Variants in MYH7 observed in about 807,000 individuals in gnomAD.
MYH7 encodes the protein myosin-7.
A neutral mutation model predicts 225.4 loss-of-function variants in MYH7; 129 were observed. The observed-to-expected ratio is 0.57, with a 90% CI of 0.50 to 0.66. The LOEUF is 0.66. Among genes scored for constraint, MYH7 ranks in the 30% least tolerant of loss-of-function variants. The probability of loss-of-function intolerance (pLI) is 0.00; values close to 1 mark genes in which losing one functional copy is unlikely to be tolerated. For synonymous variants in MYH7, 971 were observed against 1,007.6 expected (o/e 0.96, Z 0.69); for missense variants, 1,649 against 2,517.0 (o/e 0.66, Z 7.38).
At chr14:23,414,551 G>C (rs184468173) in intron 37 of MYH7, among the ~76,000 whole-genome samples, 386 of 152,302 alleles carry the variant, frequency 2.5e-3, no homozygotes, top group Admixed American at 5.2e-3. Flanking sequence ...TCCTGGATTG[G>C]AAAAGAAACA....
chr14:23,426,783 A>G lies in MYH7; in HGVS notation c.2038T>C (p.Ser680Pro). Residue 680 changes from serine to proline, a missense_variant, in exon 18 of 40, where the codon TCT (serine) becomes CCT (proline). Physicochemically the swap from Ser to Pro is moderately conservative, Grantham distance 74 (BLOSUM62 -1). This residue lies in a region of MYH7 where 112 missense variants were observed against 161.9 expected (regional missense o/e 0.69). Transcript: ENST00000355349. Reference protein sequence around the residue: ...VRCIIPNETKSPGVMDNPLVM... With the variant: ...VRCIIPNETKPPGVMDNPLVM... The stretch of plus-strand genomic sequence containing the variant: ...CCTGAGTTTGTGGCCTCACCTGGAG[A>G]CTTTGTCTCATTAGGGATGATACAA... The G allele has an allele frequency of 6.2e-7, 1 of 1,614,078 alleles. No homozygotes were observed. Among genetic ancestry groups the G allele is most frequent in the Non-Finnish European group, 8.5e-7 (1 of 1,179,994 alleles).
chr14:23,433,258 C>T lies in MYH7; in HGVS notation c.202-31G>A. 6.2e-7 allele frequency: 1 copy of T among 1,614,110 alleles called. No homozygotes were observed. The highest frequency in any genetic ancestry group is 1.1e-5 in the South Asian group (1 of 91,060). Reference sequence around the variant, plus strand: ...AGAGCCCCCACCCAAGCCCTCCTGTCAGCCTGGGCTTTCCCTCCTTCCTCA... The same window carrying T: ...AGAGCCCCCACCCAAGCCCTCCTGTTAGCCTGGGCTTTCCCTCCTTCCTCA... On this transcript the variant is annotated intron_variant, in intron 3 of 39. Transcript: ENST00000355349. The surrounding 1 kb of genome is among the most constrained non-coding windows in gnomAD (Gnocchi z 4.1).
In MYH7 at chr14:23,419,354, C is replaced by A; in HGVS notation, c.3854-59G>T. On this transcript the variant is annotated intron_variant, in intron 28 of 39. Coordinates refer to ENST00000355349, the MANE Select transcript of MYH7 (RefSeq NM_000257.4). ...TCTATCCCCACCTCCTCCTCTAGCC[C>A]TCAGGCCCCATTTTCTGGAGAGACT... 3 of 1,612,852 alleles carry A rather than the reference C, an allele frequency of 1.9e-6. No homozygotes were observed. In the South Asian group the frequency reaches 3.3e-5, roughly 18 times the overall value.
In MYH7 at chr14:23,428,631, C is replaced by T. The variant is rs121913651; in HGVS notation, c.1447G>A (p.Glu483Lys). The T allele has an allele frequency of 7.4e-6, 12 of 1,614,012 alleles. No homozygotes were observed. The highest frequency in any genetic ancestry group is 1.0e-5 in the Non-Finnish European group (12 of 1,180,016). Residue 483 changes from glutamate to lysine, a missense_variant, in exon 15 of 40, where the codon GAG becomes AAG. Around this residue, in one of 12 missense-constraint regions of MYH7, gnomAD observed 76 missense variants for 233.8 expected, o/e 0.33. Transcript: ENST00000355349. Reference protein sequence around the residue: ...FEQLCINFTNEKLQQFFNHHM... With the variant: ...FEQLCINFTNKKLQQFFNHHM... ...TGGTTGAAGAACTGCTGCAGCTTCT[C>T]GTTGGTGAAGTTGATGCAGAGCTGC... is the stretch of plus-strand genomic sequence containing the variant.
chr14:23,423,438 C>CACAA, intron 24 of MYH7, 109 bp downstream of exon 24: 1 of 46,088 alleles, frequency 2.2e-5, no homozygotes, highest in South Asian at 4.1e-4. Context: ...TAAACACAAA[C>CACAA]ACACACACAC....
chr14:23,421,297 G>C (rs902198497), intron 25 of MYH7, among the ~76,000 whole-genome samples: 1 of 152,274 alleles, frequency 6.6e-6, no homozygotes, highest in Non-Finnish European at 1.5e-5. Flanking sequence ...CCCATCTTTG[G>C]TCCTTGTTTT....
At chr14:23,435,393 CA>C (rs1893102344) in intron 1 of MYH7, among the ~76,000 whole-genome samples, 2 of 152,006 alleles carry the variant, frequency 1.3e-5, no homozygotes, top group Non-Finnish European at 2.9e-5. Flanking sequence ...CACACACACA[CA>C]CACACCCTGT....
At chr14:23,432,841 G>A in intron 4 of MYH7, 46 bp from the exon 5 acceptor site, 1 of 1,612,166 alleles carries the variant, frequency 6.2e-7, no homozygotes. Flanking sequence ...CGAAGGGGGA[G>A]GGCTGGTGAT....
Position 23,416,249 on chromosome 14 carries a change from C to T in MYH7, c.4708G>A (p.Ala1570Thr). ...RAQLEFNQIKAEIERKLAEKD... is the reference protein window; with the variant it reads ...RAQLEFNQIKTEIERKLAEKD... ...TCTGCCAGCTTCCGCTCGATCTCTG[C>T]CTTGATCTGGTTGAACTCCAGCTGG... is the stretch of plus-strand genomic sequence containing the variant. Residue 1570 changes from alanine (A) to threonine (T), a missense_variant, in exon 34 of 40, where the codon GCA becomes ACA. By Grantham distance (58) the Ala-to-Thr change is moderately conservative. This residue lies in a region of MYH7 where 687 missense variants were observed against 913.8 expected (regional missense o/e 0.75). Coordinates refer to ENST00000355349, the MANE Select transcript of MYH7 (RefSeq NM_000257.4). 1 of 1,613,840 alleles carries T rather than the reference C, an allele frequency of 6.2e-7. No individual in the cohort carries two copies. The highest frequency in any genetic ancestry group is 2.2e-5 in the East Asian group (1 of 44,846).
chr14:23,413,558 C>A (rs560131472), intron 39 of MYH7, among the ~76,000 whole-genome samples: 3 of 130,546 alleles, frequency 2.3e-5, no homozygotes, highest in African/African-American at 1.0e-4. Flanking sequence ...CAGAGTGAGA[C>A]ACCGTCTCAA....
At chr14:23,417,786 C>G in intron 30 of MYH7, 100 bp from the exon 31 acceptor site, 1 of 1,480,348 alleles carries the variant, frequency 6.8e-7, no homozygotes. Flanking sequence ...CTTGAAACCT[C>G]AGAAGTGTAG....
chr14:23,427,977 G>T, intron 15 of MYH7, 83 bp from the exon 16 acceptor site: 1 of 1,552,022 alleles, frequency 6.4e-7, no homozygotes, highest in East Asian at 2.3e-5. Flanking sequence ...ATACTTGCTC[G>T]TGGAGGTGCC....
chr14:23,413,111 C>G (rs1291327225), intron 39 of MYH7, among the ~76,000 whole-genome samples: 1 of 152,046 alleles, frequency 6.6e-6, no homozygotes. Context: ...AAGCCAGGCC[C>G]GGGTTCTCTG....
At chr14:23,419,412 C>T in intron 28 of MYH7, 71 bp downstream of exon 28, 1 of 1,611,988 alleles carries the variant, frequency 6.2e-7, no homozygotes, top group Non-Finnish European at 8.5e-7. Context: ...TGGCTTGTGC[C>T]CGAGGCTGGA....
In MYH7 at chr14:23,433,991, G is replaced by A. The variant is rs566746385; in HGVS notation, c.-9+203C>T. Among the ~76,000 whole-genome samples, 32 of 152,338 alleles carry A rather than the reference G, an allele frequency of 2.1e-4. No homozygotes were observed. Among genetic ancestry groups the A allele is most frequent in the African/African-American group, 7.5e-4 (31 of 41,574 alleles). On this transcript the variant is annotated intron_variant, in intron 2 of 39. Transcript: ENST00000355349. The surrounding 1 kb of genome is among the most constrained non-coding windows in gnomAD (Gnocchi z 4.1). ...CCTAGGGGAAGGAAGAGCATTCTGAGCTCCCTGTAGGAGCAGAAATCTAAC... is the reference window on the plus strand; with the variant it reads ...CCTAGGGGAAGGAAGAGCATTCTGAACTCCCTGTAGGAGCAGAAATCTAAC...
At chr14:23,432,920 G>T in intron 4 of MYH7, 125 bp from the exon 5 acceptor site, 1 of 1,492,130 alleles carries the variant, frequency 6.7e-7, no homozygotes, top group Non-Finnish European at 9.2e-7. Context: ...CACTCAATCT[G>T]AGTAATGCCA....
intron 13 of MYH7, 46 bp from the exon 14 acceptor site, chr14:23,429,150 G>C (rs753592575): frequency 4.3e-6 from 7 of 1,614,192 alleles, no homozygotes; most frequent in Non-Finnish European, 5.9e-6. Context: ...TTGTTGGGAA[G>C]AGTGAACTTG....
chr14:23,429,351 G>A lies in MYH7; in HGVS notation c.1139-4C>T, dbSNP rs886050422. 1.9e-6 allele frequency: 3 copies of A among 1,613,342 alleles called. No individual in the cohort carries two copies. Among genetic ancestry groups the A allele is most frequent in the South Asian group, 1.1e-5 (1 of 91,050 alleles). On this transcript the variant is annotated splice_polypyrimidine_tract_variant and splice_region_variant and intron_variant, in intron 12 of 39. Transcript: ENST00000355349. ...AGGTAGGCAGACTTGTCAGCCTCTGGAAGGAAAAGGCAAGTAGCAAAGTTG... is the reference window on the plus strand; with the variant it reads ...AGGTAGGCAGACTTGTCAGCCTCTGAAAGGAAAAGGCAAGTAGCAAAGTTG...
Position 23,415,853 on chromosome 14 carries a change from C to T in MYH7, c.4954-21G>A, listed in dbSNP as rs1822927748. The T allele has an allele frequency of 1.2e-6, 2 of 1,614,140 alleles. No individual in the cohort carries two copies. Among genetic ancestry groups the T allele is most frequent in the Non-Finnish European group, 1.7e-6 (2 of 1,180,022 alleles). On this transcript the variant is annotated intron_variant, in intron 34 of 39. Transcript: ENST00000355349. This position sits in a 1 kb window ranked among gnomAD's most constrained non-coding sequence, Gnocchi z 6.3. The stretch of plus-strand genomic sequence containing the variant: ...GTGTCCTGAGGATCAGGAGAGTGGG[C>T]ATGAGCAGGGAGCCAGCCTCGGTTC...
Sources: allele counts gnomAD v4.1 joint callset (sites outside exome capture counted in the v4.1 genomes callset), GRCh38; gene constraint gnomAD v4.1.1; regional missense constraint gnomAD v4.1.1; non-coding constraint Gnocchi (gnomAD v3.1); transcripts MANE v1.5; gene names NCBI Gene and HGNC (gene_info 2026-07-23, HGNC 2026-07-21).